Variants in ELMO1 observed in about 807,000 individuals in gnomAD.
The protein encoded by ELMO1 is engulfment and cell motility 1.
Under a neutral mutation model 98.9 loss-of-function variants are expected in ELMO1, and 26 were observed. That is an observed-to-expected ratio of 0.26 (90% CI 0.19 to 0.36). The LOEUF (loss-of-function observed/expected upper bound fraction) is 0.36, where lower values mean the gene tolerates loss of function less well. ELMO1 is among the 10% of genes least tolerant of loss of function. The pLI, the probability that ELMO1 is intolerant of heterozygous loss-of-function variation, is 1.00. For synonymous variants in ELMO1, 346 were observed against 346.0 expected, an observed-to-expected ratio of 1.00 and a Z score of 0.00; for missense variants, 627 against 935.2, an observed-to-expected ratio of 0.67 and a Z score of 4.30.
intron 15 of ELMO1, among the ~76,000 whole-genome samples, chr7:37,048,691 G>A (rs13244412): frequency 0.039 from 5,974 of 152,276 alleles, 153 homozygotes; most frequent in Middle Eastern, 0.088. Flanking sequence ...GTTTAAACAC[G>A]TTTCATGAGA....
At chr7:37,385,268 C>T (rs375404334) in intron 1 of ELMO1, among the ~76,000 whole-genome samples, 3 of 152,306 alleles carry the variant, frequency 2.0e-5, no homozygotes, top group South Asian at 2.1e-4. Flanking sequence ...GAAAAGCATT[C>T]GAAGCCCCAG....
intron 1 of ELMO1, among the ~76,000 whole-genome samples, chr7:37,363,949 C>G (rs1801799348): frequency 6.6e-6 from 1 of 152,090 alleles, no homozygotes; most frequent in South Asian, 2.1e-4. Flanking sequence ...GACTCTAACC[C>G]CCCACAGGCA....
chr7:36,873,836 C>T (rs781088040), intron 19 of ELMO1, among the ~76,000 whole-genome samples: 10 of 152,212 alleles, frequency 6.6e-5, no homozygotes, highest in Admixed American at 3.3e-4. Context: ...AATGTGGCCA[C>T]CCATGATTAA....
chr7:37,017,812 T>TA (rs11289021), intron 15 of ELMO1, among the ~76,000 whole-genome samples: 24 of 151,922 alleles, frequency 1.6e-4, no homozygotes, highest in Non-Finnish European at 2.5e-4. Context: ...ACTAATATAT[T>TA]AAAAAAAACC....
intron 7 of ELMO1, among the ~76,000 whole-genome samples, chr7:37,239,867 G>C (rs1398764603): frequency 1.3e-5 from 2 of 152,164 alleles, no homozygotes; most frequent in Non-Finnish European, 2.9e-5. Flanking sequence ...AAGCTGCTAT[G>C]AATCTGGAAC....
intron 1 of ELMO1, among the ~76,000 whole-genome samples, chr7:37,386,729 T>C (rs1425094412): frequency 6.6e-6 from 1 of 152,072 alleles, no homozygotes; most frequent in Non-Finnish European, 1.5e-5. Context: ...TCCAAACTCA[T>C]GTCAGTCAGG....
At chr7:37,100,265 ATC>A (rs1038663575) in intron 14 of ELMO1, among the ~76,000 whole-genome samples, 51 of 152,200 alleles carry the variant, frequency 3.4e-4, no homozygotes, top group Non-Finnish European at 1.8e-4. Context: ...GTTCTATGTC[ATC>A]TAATTTATCC....
chr7:37,060,514 A>G (rs1266926319), intron 15 of ELMO1, among the ~76,000 whole-genome samples: 3 of 152,180 alleles, frequency 2.0e-5, no homozygotes, highest in Admixed American at 6.5e-5. Context: ...CTAGGAGGGA[A>G]GAGAGGGTGG....
chr7:37,219,401 A>T (rs1793473657), intron 10 of ELMO1, among the ~76,000 whole-genome samples: 1 of 152,224 alleles, frequency 6.6e-6, no homozygotes. Flanking sequence ...CCAAGTCAAA[A>T]AAAGATGAAA....
At chr7:37,243,444 C>G (rs570900191) in intron 7 of ELMO1, among the ~76,000 whole-genome samples, 1 of 152,148 alleles carries the variant, frequency 6.6e-6, no homozygotes, top group Non-Finnish European at 1.5e-5. Flanking sequence ...CTTCTACTGT[C>G]ATTACCATTA....
At chr7:37,041,845 G>A (rs1795528188) in intron 15 of ELMO1, among the ~76,000 whole-genome samples, 2 of 152,146 alleles carry the variant, frequency 1.3e-5, no homozygotes, top group African/African-American at 4.8e-5. Flanking sequence ...TTGCACCAAA[G>A]TGGACACGGG....
At chr7:36,954,261 A>C (rs1562852857) in intron 16 of ELMO1, among the ~76,000 whole-genome samples, 1 of 152,188 alleles carries the variant, frequency 6.6e-6, no homozygotes, top group Non-Finnish European at 1.5e-5. Flanking sequence ...AGGTTTGGAA[A>C]GTAAGGGAAT....
At chr7:36,860,127 T>G (rs1335213184) in intron 21 of ELMO1, among the ~76,000 whole-genome samples, 2 of 152,214 alleles carry the variant, frequency 1.3e-5, no homozygotes, top group Non-Finnish European at 2.9e-5. Flanking sequence ...CCACATAACA[T>G]ACAAAATGTG....
intron 13 of ELMO1, among the ~76,000 whole-genome samples, chr7:37,193,706 T>C (rs73108916): frequency 1.2e-3 from 178 of 151,896 alleles, no homozygotes; most frequent in Middle Eastern, 3.4e-3. Flanking sequence ...ACGGGAAGAG[T>C]ATCAATTGTG....
intron 14 of ELMO1, among the ~76,000 whole-genome samples, chr7:37,126,766 G>A (rs1348539642): frequency 1.3e-5 from 2 of 152,166 alleles, no homozygotes. Context: ...CACTGCGCAT[G>A]GCTCCACGCA....
chr7:37,216,135 CTT>C (rs55829266), intron 11 of ELMO1, among the ~76,000 whole-genome samples: 35 of 144,098 alleles, frequency 2.4e-4, no homozygotes, highest in African/African-American at 4.1e-4. Flanking sequence ...ACACTTAGGG[CTT>C]TTTTTTTTTT....
intron 16 of ELMO1, among the ~76,000 whole-genome samples, chr7:36,987,863 T>C (rs1015617386): frequency 2.6e-5 from 4 of 152,138 alleles, no homozygotes; most frequent in Non-Finnish European, 4.4e-5. Flanking sequence ...GTTCAAGCGA[T>C]TCTCCTGCCT....
chr7:36,984,191 G>A (rs1791320507), intron 16 of ELMO1, among the ~76,000 whole-genome samples: 1 of 152,178 alleles, frequency 6.6e-6, no homozygotes, highest in Non-Finnish European at 1.5e-5. Context: ...GGTGTACTGA[G>A]GAGTGTGGTG....
At chr7:36,892,747 G>A (rs1042676044) in intron 17 of ELMO1, among the ~76,000 whole-genome samples, 4 of 152,106 alleles carry the variant, frequency 2.6e-5, no homozygotes, top group Non-Finnish European at 5.9e-5. Context: ...CAGAGACTGG[G>A]GTCACTATCA....
Sources: allele counts gnomAD v4.1 joint callset (sites outside exome capture counted in the v4.1 genomes callset), GRCh38; gene constraint gnomAD v4.1.1; transcripts MANE v1.5; gene names NCBI Gene and HGNC (gene_info 2026-07-23, HGNC 2026-07-21).